COL6A1: variants seen among roughly 807,000 people sequenced by gnomAD.
COL6A1 encodes the protein collagen type VI alpha 1 chain, also known as collagen alpha-1(VI) chain.
Under a neutral mutation model 145.6 loss-of-function variants are expected in COL6A1, and 80 were observed. The observed-to-expected ratio is 0.55, with a 90% CI of 0.46 to 0.66. COL6A1 has a LOEUF of 0.66. Among genes scored for constraint, COL6A1 ranks in the 30% least tolerant of loss-of-function variants. The pLI is 0.00. For missense variants in COL6A1, 1,364 were observed against 1,473.8 expected, an observed-to-expected ratio of 0.93 and a Z score of 1.22; for synonymous variants, 638 against 622.8, an observed-to-expected ratio of 1.02 and a Z score of -0.36.
intron 6 of COL6A1, 48 bp from the exon 7 acceptor site, chr21:45,987,451 A>G (rs544502169): frequency 3.1e-6 from 5 of 1,612,232 alleles, no homozygotes; most frequent in Non-Finnish European, 3.4e-6. Flanking sequence ...TCCCAGCCGT[A>G]TGTCCGTGGC....
rs78873151 is a variant in COL6A1, at chr21:45,982,980, C to T, written c.227+217C>T. 2.0e-4 allele frequency among the ~76,000 whole-genome samples: 31 copies of T among 152,372 alleles called. No homozygotes were observed. The East Asian group carries it at 5.4e-3, about 27-fold the overall frequency. ...GGTCTGAGCCTCTCCCAGCGCCTTCCAGAGTGAGCTGGTTTGAGACCCTGC... is the reference window on the plus strand; with the variant it reads ...GGTCTGAGCCTCTCCCAGCGCCTTCTAGAGTGAGCTGGTTTGAGACCCTGC... On this transcript the variant is annotated intron_variant, in intron 2 of 34. Coordinates refer to ENST00000361866, the MANE Select transcript of COL6A1 (RefSeq NM_001848.3).
Position 46,004,920 on chromosome 21 carries a change from G to C in COL6A1, c.*907G>C, listed in dbSNP as rs934752107. 6.3e-6 allele frequency: 1 copy of C among 159,350 alleles called. No individual in the cohort carries two copies. Among genetic ancestry groups the C allele is most frequent in the African/African-American group, 2.4e-5 (1 of 41,660 alleles). 9.9% of individuals were successfully genotyped at this position (159,350 alleles called of 1,614,324 possible). A position where few individuals can be genotyped will look rare whatever the true frequency, so the allele number is the denominator to read the frequency against. On this transcript the variant is annotated 3_prime_UTR_variant, in exon 35 of 35. Transcript: ENST00000361866. ...AACAACGCAAACCTCTCCTTCCTCA[G>C]AATAGTGATGTGTTCGACGTTTTAT... is the stretch of plus-strand genomic sequence containing the variant.
At chr21:45,989,554 G>C in intron 9 of COL6A1, 54 bp from the exon 10 acceptor site, 1 of 1,569,578 alleles carries the variant, frequency 6.4e-7, no homozygotes, top group Non-Finnish European at 8.8e-7. Flanking sequence ...GGGTGGGACT[G>C]GCCCCTGCCC....
intron 3 of COL6A1, among the ~76,000 whole-genome samples, chr21:45,985,748 G>A (rs752784059): frequency 1.1e-4 from 17 of 152,230 alleles, no homozygotes; most frequent in Non-Finnish European, 1.9e-4. Context: ...GCCTCTCCCC[G>A]AGGTCGGTCT....
chr21:45,982,585 G>A (rs752517852), intron 1 of COL6A1, 49 bp from the exon 2 acceptor site: 15 of 1,611,100 alleles, frequency 9.3e-6, no homozygotes, highest in African/African-American at 4.0e-5. Context: ...GCAGAGACTC[G>A]GGGAATGGGG....
At chr21:45,998,327 C>G in intron 23 of COL6A1, 71 bp from the exon 24 acceptor site, 2 of 1,599,278 alleles carry the variant, frequency 1.3e-6, no homozygotes, top group South Asian at 1.1e-5. Flanking sequence ...CAGGCCCTTC[C>G]GCTGTGCGCC....
chr21:45,998,198 G>A (rs1481236740), intron 23 of COL6A1, 27 bp downstream of exon 23: 1 of 1,610,146 alleles, frequency 6.2e-7, no homozygotes, highest in South Asian at 1.1e-5. Flanking sequence ...TGAGCCCACA[G>A]GAACATGCCC....
intron 19 of COL6A1, among the ~76,000 whole-genome samples, chr21:45,993,128 G>A (rs935519394): frequency 2.6e-5 from 4 of 152,242 alleles, no homozygotes; most frequent in South Asian, 2.1e-4. Context: ...AATTCCCAGC[G>A]TGAGGAAGTT....
intron 30 of COL6A1, 119 bp downstream of exon 30, chr21:46,001,505 T>A: frequency 1.5e-6 from 2 of 1,354,376 alleles, no homozygotes; most frequent in Non-Finnish European, 2.1e-6. Context: ...GTGACTTCCC[T>A]ACTCATGACA....
Position 45,991,032 on chromosome 21 carries a change from AG to A in COL6A1, c.1112del (p.Gly371GlufsTer134). The A allele has an allele frequency of 6.2e-7, 1 of 1,613,264 alleles. No homozygotes were observed. Among genetic ancestry groups the A allele is most frequent in the Non-Finnish European group, 8.5e-7 (1 of 1,179,880 alleles). On this transcript the variant is annotated frameshift_variant, in exon 15 of 35. Transcript: ENST00000361866. LOFTEE classifies it high-confidence loss of function. ...GAGACCCCGGTGCCTTTGGACTGAA[AG>A]GAGAAAAGGTGAGTGACTTGCGGCC... ...KGDPGAFGLK[G>X]EKGEPGADGE...
rs759821375 is a variant in COL6A1, at chr21:45,984,314, G to A, written c.273G>A (p.Leu91=). The part of the protein sequence containing the change: ...DRNLVWNAGA[L]HYSDEVEIIQ... ...ACCTGGTGTGGAACGCAGGCGCGCT[G>A]CACTACAGTGACGAGGTGGAGATCA... The change falls in exon 3 of 35, where the codon CTG becomes CTA. Residue 91 remains leucine (L), a synonymous_variant. Coordinates refer to ENST00000361866, the MANE Select transcript of COL6A1 (RefSeq NM_001848.3). 17 of 1,611,806 alleles carry A rather than the reference G, an allele frequency of 1.1e-5. No individual in the cohort carries two copies. Among genetic ancestry groups the A allele is most frequent in the Admixed American group, 8.3e-5 (5 of 59,896 alleles).
At position 45,986,621 on chromosome 21, in the gene COL6A1, C is replaced by G; in HGVS notation, c.524C>G (p.Ala175Gly). ...YKEPCGGLED[A>G]VNEAKHLGVK... is the part of the protein sequence containing the mutation. ...GAACCCTGTGGGGGGCTGGAGGATG[C>G]TGTGAACGAGGCCAAGCACCTGGGC... Residue 175 changes from alanine (A) to glycine (G), a missense_variant, in exon 4 of 35, where the codon GCT (alanine) becomes GGT (glycine). This residue lies in a region of COL6A1 where 414 missense variants were observed against 437.6 expected (regional missense o/e 0.95). Coordinates refer to ENST00000361866, the MANE Select transcript of COL6A1 (RefSeq NM_001848.3). 6.4e-7 allele frequency: 1 copy of G among 1,555,526 alleles called. No individual in the cohort carries two copies. Among genetic ancestry groups the G allele is most frequent in the Non-Finnish European group, 8.7e-7 (1 of 1,149,758 alleles).
chr21:45,983,241 A>G (rs9974290), intron 2 of COL6A1, among the ~76,000 whole-genome samples: 132,441 of 152,206 alleles, frequency 0.87, 57,625 homozygotes, highest in East Asian at 0.93. Context: ...CTCGGGAGCC[A>G]GGAGGGGTGT....
chr21:45,996,698 G>A (rs78052477), intron 20 of COL6A1, among the ~76,000 whole-genome samples: 2,883 of 152,310 alleles, frequency 0.019, 92 homozygotes, highest in African/African-American at 0.065. Flanking sequence ...TCAGCTGGGC[G>A]CGCTGGGAAG....
intron 27 of COL6A1, among the ~76,000 whole-genome samples, chr21:45,999,939 G>A (rs996326211): frequency 6.0e-4 from 2 of 3,332 alleles, no homozygotes; most frequent in Non-Finnish European, 1.6e-3. Flanking sequence ...GGATCATGGG[G>A]GGGACGTGTG....
At position 45,991,315 on chromosome 21, in the gene COL6A1, G is replaced by T. The variant is rs573970524; in HGVS notation, c.1119+274G>T. ...ATTCTGTCCCCCGCACCTGCCGCTCGCTCGGCACAGATGGGACCCCACCGC... is the reference window on the plus strand; with the variant it reads ...ATTCTGTCCCCCGCACCTGCCGCTCTCTCGGCACAGATGGGACCCCACCGC... On this transcript the variant is annotated intron_variant, in intron 15 of 34. Coordinates refer to ENST00000361866, the MANE Select transcript of COL6A1 (RefSeq NM_001848.3). 1.3e-3 allele frequency among the ~76,000 whole-genome samples: 191 copies of T among 152,322 alleles called. 1 individual carries two copies. The highest frequency in any genetic ancestry group is 0.01 in the Middle Eastern group (3 of 294).
intron 1 of COL6A1, 76 bp downstream of exon 1, chr21:45,982,023 CCT>C: frequency 8.3e-7 from 1 of 1,210,614 alleles, no homozygotes; most frequent in Non-Finnish European, 1.2e-6. Flanking sequence ...CGCGGGGTCC[CCT>C]CCCACGCGTG....
At position 45,998,927 on chromosome 21, in the gene COL6A1, G is replaced by A. The variant is rs1206365946; in HGVS notation, c.1642G>A (p.Asp548Asn). 3.2e-6 allele frequency: 5 copies of A among 1,556,478 alleles called. No individual in the cohort carries two copies. The highest frequency in any genetic ancestry group is 4.7e-5 in the East Asian group (2 of 42,176). Reference protein sequence around the residue: ...GTKGYPGLKGDEGEAGDPGDD... With the variant: ...GTKGYPGLKGNEGEAGDPGDD... Reference sequence around the variant, plus strand: ...GAAGGGCTACCCCGGCCTCAAGGGGGACGAGGGAGAAGCCGGGGACCCCGG... The same window carrying A: ...GAAGGGCTACCCCGGCCTCAAGGGGAACGAGGGAGAAGCCGGGGACCCCGG... Residue 548 changes from aspartate (D) to asparagine (N), a missense_variant, in exon 25 of 35, where the codon GAC becomes AAC. Physicochemically the swap from Asp to Asn is conservative, Grantham distance 23. Around this residue, in one of 3 missense-constraint regions of COL6A1, gnomAD observed 938 missense variants for 1,003.8 expected, o/e 0.93. Transcript: ENST00000361866.
chr21:45,990,182 C>T lies in COL6A1; in HGVS notation c.931-76C>T, dbSNP rs572683065. ...GTTGGGGGCACCCAAGCCCCTGCCT[C>T]GCGTGGGCCTAAGCCAGGCTTGCCC... On this transcript the variant is annotated intron_variant, in intron 11 of 34. Coordinates refer to ENST00000361866, the MANE Select transcript of COL6A1 (RefSeq NM_001848.3). The T allele has an allele frequency of 4.8e-5, 75 of 1,571,806 alleles. 2 individuals are homozygous for T. Among genetic ancestry groups the T allele is most frequent in the African/African-American group, 4.3e-4 (32 of 74,236 alleles).
Sources: gnomAD v4.1 joint callset for allele counts (sites outside exome capture counted in the v4.1 genomes callset) on GRCh38, gnomAD v4.1.1 for gene constraint, gnomAD v4.1.1 regional missense constraint, MANE v1.5 for transcripts, NCBI Gene and HGNC (gene_info 2026-07-23, HGNC 2026-07-21) for gene names.